TMX3: variants seen among roughly 807,000 people sequenced by gnomAD.
TMX3 encodes protein disulfide-isomerase TMX3.
A neutral mutation model predicts 64.4 loss-of-function variants in TMX3; 40 were observed. That is an observed-to-expected ratio of 0.62 (90% confidence interval 0.48 to 0.81). TMX3 has a LOEUF of 0.81. TMX3 is among the 30% of genes least tolerant of loss of function. The pLI is 0.00. For missense variants in TMX3, 497 were observed against 534.5 expected (o/e 0.93, Z 0.69); for synonymous variants, 189 against 175.7 (o/e 1.08, Z -0.60).
At chr18:68,705,092 A>C (rs901876695) in intron 4 of TMX3, among the ~76,000 whole-genome samples, 2 of 152,180 alleles carry the variant, frequency 1.3e-5, no homozygotes, top group Non-Finnish European at 2.9e-5. Flanking sequence ...AACTGAAGAC[A>C]CTTTGTTTTC....
At chr18:68,686,854 C>T (rs1599305424) in intron 10 of TMX3, 3 of 985,130 alleles carry the variant, frequency 3.0e-6, no homozygotes, top group Non-Finnish European at 3.6e-6. Flanking sequence ...AGCTCAGGAA[C>T]AGAACAGAAA....
At chr18:68,682,895 G>C in intron 13 of TMX3, 30 bp downstream of exon 13, 1 of 1,570,562 alleles carries the variant, frequency 6.4e-7, no homozygotes, top group South Asian at 1.2e-5. Flanking sequence ...TAATAGATTT[G>C]ACAGCAAAAT....
intron 8 of TMX3, among the ~76,000 whole-genome samples, chr18:68,693,497 G>A (rs575542398): frequency 6.6e-6 from 1 of 152,016 alleles, no homozygotes; most frequent in Admixed American, 6.5e-5. Flanking sequence ...CCTGCTCCTG[G>A]CGCCTGCTCT....
At chr18:68,688,317 C>G (rs1914165488) in intron 9 of TMX3, 1 of 152,160 alleles carries the variant, frequency 6.6e-6, no homozygotes, top group Admixed American at 6.5e-5. Context: ...TCCTAGTTTA[C>G]AACTCTTTCT....
chr18:68,708,521 CTA>C lies in TMX3; in HGVS notation c.265+1498_265+1499del, dbSNP rs531766879. Among the ~76,000 whole-genome samples, 624 of 152,272 alleles carry C rather than the reference CTA, an allele frequency of 4.1e-3. 1 individual carries two copies. Among genetic ancestry groups the C allele is most frequent in the South Asian group, 8.3e-3 (40 of 4,824 alleles). On this transcript the variant is annotated intron_variant, in intron 4 of 15. Transcript: ENST00000299608. ...TCTGTGATTTTAGTATGGGACATGT[CTA>C]TGAAAATTACCGTTTCCATTGTACT...
intron 4 of TMX3, among the ~76,000 whole-genome samples, chr18:68,705,213 CT>C (rs1256821264): frequency 6.6e-6 from 1 of 152,062 alleles, no homozygotes; most frequent in Non-Finnish European, 1.5e-5. Context: ...AGGATTCCTC[CT>C]CCCATCCAAC....
At chr18:68,681,410 T>C in intron 13 of TMX3, 1 of 916,856 alleles carries the variant, frequency 1.1e-6, no homozygotes, top group Non-Finnish European at 1.3e-6. Flanking sequence ...CTATGGGTGG[T>C]CTGCACAATT....
intron 10 of TMX3, chr18:68,687,150 T>C: frequency 1.0e-6 from 1 of 984,894 alleles, no homozygotes; most frequent in Non-Finnish European, 1.2e-6. Context: ...AACTTACAGT[T>C]AGCTTCTTAT....
intron 2 of TMX3, among the ~76,000 whole-genome samples, chr18:68,713,228 A>G (rs309251): frequency 0.27 from 41,127 of 152,030 alleles, 9,760 homozygotes; most frequent in African/African-American, 0.64. Flanking sequence ...TTTTAGCAGA[A>G]GTGCTCAGGA....
At chr18:68,696,183 T>C (rs1915054029) in intron 8 of TMX3, among the ~76,000 whole-genome samples, 1 of 152,168 alleles carries the variant, frequency 6.6e-6, no homozygotes, top group Admixed American at 6.5e-5. Context: ...ATTATTACTA[T>C]TATCATTTGA....
At chr18:68,701,435 C>T (rs554501704) in intron 5 of TMX3, among the ~76,000 whole-genome samples, 1 of 152,106 alleles carries the variant, frequency 6.6e-6, no homozygotes, top group Non-Finnish European at 1.5e-5. Context: ...CTGTTTTTAT[C>T]TCACAATCCA....
intron 5 of TMX3, 51 bp downstream of exon 5, chr18:68,701,694 G>A: frequency 1.2e-6 from 2 of 1,608,532 alleles, no homozygotes; most frequent in Non-Finnish European, 1.7e-6. Flanking sequence ...TAAAATGTAA[G>A]TAGAGTGAAC....
chr18:68,691,032 C>A, intron 9 of TMX3: 1 of 353,728 alleles, frequency 2.8e-6, no homozygotes, highest in Non-Finnish European at 5.1e-6. Flanking sequence ...GTATAAAAAT[C>A]ACATAGAATT....
At position 68,704,938 on chromosome 18, in the gene TMX3, A is replaced by C. The variant is rs893153978; in HGVS notation, c.266-3148T>G. ...AGTTACCTTGTTATTTCATCTATAAAATGGGAAAGGGCGAAAGGAGTCAGG... is the reference window on the plus strand; with the variant it reads ...AGTTACCTTGTTATTTCATCTATAACATGGGAAAGGGCGAAAGGAGTCAGG... On this transcript the variant is annotated intron_variant, in intron 4 of 15. Transcript: ENST00000299608. 2.0e-5 allele frequency among the ~76,000 whole-genome samples: 3 copies of C among 152,208 alleles called. No individual in the cohort carries two copies. In the East Asian group the frequency reaches 5.8e-4, roughly 29 times the overall value.
At chr18:68,709,827 A>C (rs1014249475) in intron 4 of TMX3, among the ~76,000 whole-genome samples, 194 bp downstream of exon 4, 1 of 133,138 alleles carries the variant, frequency 7.5e-6, no homozygotes, top group African/African-American at 3.9e-5. Context: ...TCTGTTAAGC[A>C]TAAGATTAAC....
intron 8 of TMX3, among the ~76,000 whole-genome samples, chr18:68,692,385 G>A (rs1914612549): frequency 6.6e-6 from 1 of 152,048 alleles, no homozygotes. Flanking sequence ...CCTCTCCCGT[G>A]TGTTTTTTTC....
rs1456438319 is a variant in TMX3 at position 68,675,226 on chromosome 18, C to T, written c.*1707G>A. ...ATTTATCTTCCCAAGAATCACTCAT[C>T]ATTCTTTGGAGAAGAATCTACTTGT... On this transcript the variant is annotated 3_prime_UTR_variant, in exon 16 of 16. Coordinates refer to ENST00000299608, the MANE Select transcript of TMX3 (RefSeq NM_019022.5). The T allele has an allele frequency of 6.6e-6, 1 of 152,092 alleles. No homozygotes were observed. Among genetic ancestry groups the T allele is most frequent in the Non-Finnish European group, 1.5e-5 (1 of 67,988 alleles). The allele number at this position is 152,092 out of a possible 1,614,324, so 9.4% of individuals were successfully genotyped here.
chr18:68,697,332 A>C, intron 7 of TMX3, 29 bp from the exon 8 acceptor site: 1 of 1,384,044 alleles, frequency 7.2e-7, no homozygotes, highest in South Asian at 1.4e-5. Context: ...AAAAAAGATC[A>C]TTGAAAAATA....
chr18:68,679,276 A>G (rs1281188787), intron 15 of TMX3, among the ~76,000 whole-genome samples, 187 bp downstream of exon 15: 1 of 152,196 alleles, frequency 6.6e-6, no homozygotes, highest in Non-Finnish European at 1.5e-5. Flanking sequence ...TAACTCATCA[A>G]TCATATAAAC....
Sources: gnomAD v4.1 joint callset for allele counts (sites outside exome capture counted in the v4.1 genomes callset) on GRCh38, gnomAD v4.1.1 for gene constraint, MANE v1.5 for transcripts, NCBI Gene and HGNC (gene_info 2026-07-23, HGNC 2026-07-21) for gene names.